The following EHMT1 variants were observed in gnomAD, a reference collection of about 807,000 sequenced individuals.
EHMT1 encodes euchromatic histone lysine methyltransferase 1.
A neutral mutation model predicts 147.2 loss-of-function variants in EHMT1; 15 were observed. The observed-to-expected ratio is 0.10, with a 90% CI of 0.07 to 0.16. The LOEUF is 0.16. Ranked by LOEUF, EHMT1 falls within the 10% of genes least tolerant of loss-of-function variation. EHMT1 has a pLI of 1.00. For synonymous variants in EHMT1, 795 were observed against 709.6 expected (o/e 1.12, Z -1.91); for missense variants, 1,587 against 1,772.4 (o/e 0.90, Z 1.88).
chr9:137,642,723 C>T (rs1314801902), intron 1 of EHMT1, among the ~76,000 whole-genome samples: 1 of 152,140 alleles, frequency 6.6e-6, no homozygotes, highest in African/African-American at 2.4e-5. Context: ...CACTGTGTGC[C>T]CATCTACGCA....
Position 137,743,367 on chromosome 9 carries a change from TTA to T in EHMT1, c.824-3_824-2del. 6.3e-7 allele frequency: 1 copy of T among 1,589,860 alleles called. No individual in the cohort carries two copies. The highest frequency in any genetic ancestry group is 8.5e-7 in the Non-Finnish European group (1 of 1,172,568). ...CCCCTTTTGACTTTTTTTTTTTTTTTTAGCTTGCTTGCCTTTTGTTTTAGCAG... is the reference window on the plus strand; with the variant it reads ...CCCCTTTTGACTTTTTTTTTTTTTTTGCTTGCTTGCCTTTTGTTTTAGCAG... On this transcript the variant is annotated splice_acceptor_variant and splice_polypyrimidine_tract_variant and intron_variant, in intron 4 of 26. Coordinates refer to ENST00000460843, the MANE Select transcript of EHMT1 (RefSeq NM_024757.5). LOFTEE classifies it high-confidence loss of function.
intron 1 of EHMT1, among the ~76,000 whole-genome samples, chr9:137,709,574 C>T (rs1219988364): frequency 2.6e-5 from 4 of 152,162 alleles, no homozygotes; most frequent in Admixed American, 2.0e-4. Flanking sequence ...GCTGGCCTGG[C>T]GTCTGCTTTG....
chr9:137,706,093 G>C (rs117714950), intron 1 of EHMT1, among the ~76,000 whole-genome samples: 5,981 of 152,032 alleles, frequency 0.039, 187 homozygotes, highest in South Asian at 0.14. Flanking sequence ...TCAGGGGCGG[G>C]GCTAGGCTCT....
At chr9:137,827,933 T>C (rs1247914792) in intron 25 of EHMT1, among the ~76,000 whole-genome samples, 1 of 152,196 alleles carries the variant, frequency 6.6e-6, no homozygotes, top group African/African-American at 2.4e-5. Context: ...TGTCCGTTCC[T>C]TTGAGGGTTC....
At chr9:137,640,267 A>G (rs1281668587) in intron 1 of EHMT1, among the ~76,000 whole-genome samples, 1 of 150,798 alleles carries the variant, frequency 6.6e-6, no homozygotes, top group East Asian at 2.0e-4. Flanking sequence ...TTTAATTTTA[A>G]TTTTTGTTTT....
chr9:137,778,039 G>A lies in EHMT1; in HGVS notation c.2176G>A (p.Ala726Thr), dbSNP rs2136713290. The A allele has an allele frequency of 1.2e-6, 2 of 1,613,842 alleles. No homozygotes were observed. The highest frequency in any genetic ancestry group is 1.7e-6 in the Non-Finnish European group (2 of 1,180,018). ...GGAAACCTTGGAGAGCGCTCTCATC[G>A]CCCTCGACTCGGAAAAGTAAGACCT... ...GKETLESALIALDSEKPKKLR... is the reference protein window; with the variant it reads ...GKETLESALITLDSEKPKKLR... The change falls in exon 13 of 27, where the codon GCC becomes ACC. Residue 726 changes from alanine (A) to threonine (T), a missense_variant. Ala to Thr is a moderately conservative substitution (Grantham distance 58). This residue lies in a region of EHMT1 where 201 missense variants were observed against 350.1 expected (regional missense o/e 0.57). Transcript: ENST00000460843.
intron 1 of EHMT1, among the ~76,000 whole-genome samples, chr9:137,672,301 G>T (rs927721797): frequency 1.3e-5 from 2 of 152,096 alleles, no homozygotes; most frequent in African/African-American, 4.8e-5. Context: ...AGGAGGTTTT[G>T]ACAAATGGTA....
chr9:137,723,903 C>G (rs1040717522), intron 3 of EHMT1, among the ~76,000 whole-genome samples: 2 of 152,242 alleles, frequency 1.3e-5, no homozygotes, highest in Admixed American at 1.3e-4. Flanking sequence ...GCGTTAATCC[C>G]CATCATAAAG....
chr9:137,811,182 C>T (rs1278660564), intron 18 of EHMT1, among the ~76,000 whole-genome samples: 1 of 151,996 alleles, frequency 6.6e-6, no homozygotes, highest in Non-Finnish European at 1.5e-5. Flanking sequence ...TGACCTTTTC[C>T]CTATTTTTAT....
At chr9:137,800,645 G>A (rs996948617) in intron 17 of EHMT1, 5 of 575,118 alleles carry the variant, frequency 8.7e-6, no homozygotes, top group South Asian at 2.0e-5. Flanking sequence ...GTCGGGCAGG[G>A]TTGTTGGGCC....
intron 3 of EHMT1, among the ~76,000 whole-genome samples, chr9:137,720,177 T>G (rs1018647381): frequency 1.1e-5 from 1 of 90,358 alleles, no homozygotes; most frequent in African/African-American, 4.8e-5. Flanking sequence ...CGAACCCCCT[T>G]CACACCAGGG....
chr9:137,725,781 G>GT (rs1188031673), intron 3 of EHMT1, among the ~76,000 whole-genome samples: 1 of 152,138 alleles, frequency 6.6e-6, no homozygotes. Flanking sequence ...GGTGGAGACC[G>GT]TGAGGCCGTG....
chr9:137,686,730 C>CT (rs34204547), intron 1 of EHMT1, among the ~76,000 whole-genome samples: 19,589 of 110,970 alleles, frequency 0.18, 3,663 homozygotes, highest in African/African-American at 0.46. Context: ...CTCATTCTTT[C>CT]TTTTTTTTTT....
chr9:137,718,548 T>G (rs1945586220), intron 3 of EHMT1, among the ~76,000 whole-genome samples: 1 of 152,154 alleles, frequency 6.6e-6, no homozygotes, highest in Non-Finnish European at 1.5e-5. Flanking sequence ...TGTATGAGTT[T>G]TCTTCTGTTT....
intron 1 of EHMT1, among the ~76,000 whole-genome samples, chr9:137,684,807 T>C (rs1589252160): frequency 6.6e-6 from 1 of 152,228 alleles, no homozygotes; most frequent in East Asian, 1.9e-4. Context: ...GCCATTCTTT[T>C]ACTGAATTAT....
At chr9:137,635,680 C>T (rs1245840409) in intron 1 of EHMT1, among the ~76,000 whole-genome samples, 8 of 150,906 alleles carry the variant, frequency 5.3e-5, no homozygotes, top group East Asian at 4.2e-4. Context: ...ATTAGTGGGA[C>T]GTGGTGGCGG....
rs1947240960 is a variant in EHMT1, at chr9:137,732,928, C to G, written c.823+4399C>G. ...GTGGCGATGATCACAGATGGTTCTGCTCTTTCCCTCCTGCTACCCCCTTAA... is the reference window on the plus strand; with the variant it reads ...GTGGCGATGATCACAGATGGTTCTGGTCTTTCCCTCCTGCTACCCCCTTAA... On this transcript the variant is annotated intron_variant, in intron 4 of 26. Coordinates refer to ENST00000460843, the MANE Select transcript of EHMT1 (RefSeq NM_024757.5). The surrounding 1 kb of genome is among the most constrained non-coding windows in gnomAD (Gnocchi z 4.6). 2.0e-5 allele frequency among the ~76,000 whole-genome samples: 3 copies of G among 152,208 alleles called. No homozygotes were observed. The highest frequency in any genetic ancestry group is 7.2e-5 in the African/African-American group (3 of 41,456).
At position 137,787,826 on chromosome 9, in the gene EHMT1, G is replaced by A; in HGVS notation, c.2383-3022G>A. 1.0e-6 allele frequency: 1 copy of A among 962,772 alleles called. No homozygotes were observed. The highest frequency in any genetic ancestry group is 1.7e-5 in the Admixed American group (1 of 58,920). The allele number at this position is 962,772 out of a possible 1,614,324, so 59.6% of individuals were successfully genotyped here. ...CTCAGGTTTCAGGGGCCACCCCCCAGTAGGCAGAGCTGGTTGACGGTGGAC... is the reference window on the plus strand; with the variant it reads ...CTCAGGTTTCAGGGGCCACCCCCCAATAGGCAGAGCTGGTTGACGGTGGAC... On this transcript the variant is annotated intron_variant, in intron 15 of 26. Transcript: ENST00000460843. The surrounding 1 kb of genome is among the most constrained non-coding windows in gnomAD (Gnocchi z 4.2).
intron 10 of EHMT1, among the ~76,000 whole-genome samples, chr9:137,774,348 C>T (rs1950788952): frequency 6.7e-6 from 1 of 150,270 alleles, no homozygotes; most frequent in Non-Finnish European, 1.5e-5. Context: ...CGTCTGGCCC[C>T]CTGGATCTGG....
Sources: allele counts gnomAD v4.1 joint callset (sites outside exome capture counted in the v4.1 genomes callset), GRCh38; gene constraint gnomAD v4.1.1; regional missense constraint gnomAD v4.1.1; non-coding constraint Gnocchi (gnomAD v3.1); transcripts MANE v1.5; gene names NCBI Gene and HGNC (gene_info 2026-07-23, HGNC 2026-07-21).